GRM7: variants seen among roughly 807,000 people sequenced by gnomAD.
GRM7 encodes glutamate metabotropic receptor 7, also known as metabotropic glutamate receptor 7.
A neutral mutation model predicts 84.5 loss-of-function variants in GRM7; 35 were observed. The ratio of observed to expected loss-of-function variants is 0.41; its 90% CI spans 0.32 to 0.55. GRM7 has a LOEUF of 0.55. Ranked by LOEUF, GRM7 falls within the 20% of genes least tolerant of loss-of-function variation. The pLI, the probability that GRM7 is intolerant of heterozygous loss-of-function variation, is 0.19. For synonymous variants in GRM7, 487 were observed against 455.1 expected, an observed-to-expected ratio of 1.07 and a Z score of -0.89; for missense variants, 1,003 against 1,194.6, an observed-to-expected ratio of 0.84 and a Z score of 2.36.
intron 8 of GRM7, among the ~76,000 whole-genome samples, chr3:7,589,865 C>T (rs145541173): frequency 1.5e-4 from 23 of 152,224 alleles, no homozygotes; most frequent in African/African-American, 5.3e-4. Flanking sequence ...CTCTAATGTG[C>T]CTGTGTGCTC....
chr3:7,085,025 A>T (rs1698403628), intron 1 of GRM7, among the ~76,000 whole-genome samples: 1 of 152,166 alleles, frequency 6.6e-6, no homozygotes, highest in Admixed American at 6.5e-5. Context: ...TGAGCATTTC[A>T]TATCCTCAGG....
intron 1 of GRM7, among the ~76,000 whole-genome samples, chr3:7,010,130 C>T (rs1695317811): frequency 6.6e-6 from 1 of 152,076 alleles, no homozygotes; most frequent in South Asian, 2.1e-4. Context: ...AAGGAAACAT[C>T]ACAGACAAGG....
intron 1 of GRM7, among the ~76,000 whole-genome samples, chr3:7,108,728 C>G (rs544343753): frequency 6.6e-6 from 1 of 152,172 alleles, no homozygotes; most frequent in African/African-American, 2.4e-5. Flanking sequence ...CCTCCTGGGT[C>G]AACCCATGAA....
intron 2 of GRM7, among the ~76,000 whole-genome samples, chr3:7,178,096 G>C (rs1018719159): frequency 6.6e-6 from 1 of 152,100 alleles, no homozygotes; most frequent in Non-Finnish European, 1.5e-5. Context: ...CACATCTATT[G>C]GCCAAGGTGA....
At position 7,363,710 on chromosome 3, in the gene GRM7, G is replaced by A. The variant is rs188023121; in HGVS notation, c.1034-51313G>A. On this transcript the variant is annotated intron_variant, in intron 4 of 9. Transcript: ENST00000357716. Reference sequence around the variant, plus strand: ...AATATGAGCACCTTCACCAATATGAGCATCTTCAACTTAATTGACCCTGTC... The same window carrying A: ...AATATGAGCACCTTCACCAATATGAACATCTTCAACTTAATTGACCCTGTC... 5.4e-3 allele frequency among the ~76,000 whole-genome samples: 815 copies of A among 152,106 alleles called. 5 individuals are homozygous for A. Among genetic ancestry groups the A allele is most frequent in the African/African-American group, 0.014 (574 of 41,526 alleles).
chr3:7,119,847 A>G (rs1214790487), intron 1 of GRM7, among the ~76,000 whole-genome samples: 3 of 152,158 alleles, frequency 2.0e-5, no homozygotes, highest in Non-Finnish European at 4.4e-5. Flanking sequence ...ACTTCAGCTC[A>G]TATTTTAAAA....
intron 9 of GRM7, among the ~76,000 whole-genome samples, chr3:7,736,910 C>A (rs1702521059): frequency 6.6e-6 from 1 of 152,080 alleles, no homozygotes; most frequent in African/African-American, 2.4e-5. Context: ...TAATAAGCTA[C>A]AGTATTTCTT....
At chr3:6,878,098 T>G (rs1695381702) in intron 1 of GRM7, among the ~76,000 whole-genome samples, 1 of 152,162 alleles carries the variant, frequency 6.6e-6, no homozygotes, top group African/African-American at 2.4e-5. Context: ...TTTTAATCTT[T>G]AATAGCTTCA....
chr3:6,946,997 A>T (rs548411189), intron 1 of GRM7, among the ~76,000 whole-genome samples: 6 of 152,288 alleles, frequency 3.9e-5, no homozygotes, highest in Admixed American at 2.0e-4. Flanking sequence ...GTCATCTGCA[A>T]ACAGGGAGAA....
chr3:7,539,221 TCATCCTAG>T (rs1365421631), intron 7 of GRM7, among the ~76,000 whole-genome samples: 1 of 152,164 alleles, frequency 6.6e-6, no homozygotes, highest in Non-Finnish European at 1.5e-5. Flanking sequence ...CACCAAACCC[TCATCCTAG>T]CATTTATTCC....
intron 9 of GRM7, among the ~76,000 whole-genome samples, chr3:7,723,583 T>A (rs1702024269): frequency 1.3e-5 from 2 of 152,168 alleles, no homozygotes; most frequent in South Asian, 4.1e-4. Context: ...CACACTTGGC[T>A]CACACCAGTA....
chr3:7,692,963 A>G (rs1407067885), intron 9 of GRM7, among the ~76,000 whole-genome samples: 2 of 150,352 alleles, frequency 1.3e-5, no homozygotes, highest in East Asian at 1.9e-4. Context: ...AGTGAGATGC[A>G]TCTTTCTTTC....
In GRM7 at chr3:7,160,682, C is replaced by CA. The variant is rs775176219; in HGVS notation, c.736+14017dup. ...TCTTTTTCCTCACTGTGTACCCCAC[C>CA]AAACAAGATTAGTTCAAGTTAAAAA... is the stretch of plus-strand genomic sequence containing the variant. On this transcript the variant is annotated intron_variant, in intron 2 of 9. Coordinates refer to ENST00000357716, the MANE Select transcript of GRM7 (RefSeq NM_000844.4). 8.7e-4 allele frequency among the ~76,000 whole-genome samples: 133 copies of CA among 152,110 alleles called. 1 individual carries two copies. The highest frequency in any genetic ancestry group is 1.0e-3 in the Non-Finnish European group (71 of 68,020).
At chr3:6,913,813 A>G (rs994288186) in intron 1 of GRM7, among the ~76,000 whole-genome samples, 5 of 152,182 alleles carry the variant, frequency 3.3e-5, no homozygotes, top group East Asian at 1.9e-4. Flanking sequence ...ATAGATAGAT[A>G]GACAACCAGA....
rs138889716 is a variant in GRM7, at chr3:7,223,760, G to A, written c.737-74924G>A. On this transcript the variant is annotated intron_variant, in intron 2 of 9. Transcript: ENST00000357716. The stretch of plus-strand genomic sequence containing the variant: ...ATCTCAAATCTTAATCTGGAGAGCC[G>A]AATAATAGAAATAGGTATGGGCAGT... 2.7e-3 allele frequency among the ~76,000 whole-genome samples: 405 copies of A among 152,226 alleles called. 1 individual carries two copies. The highest frequency in any genetic ancestry group is 8.7e-3 in the African/African-American group (363 of 41,544).
At chr3:7,218,600 A>G (rs1696693128) in intron 2 of GRM7, among the ~76,000 whole-genome samples, 2 of 152,008 alleles carry the variant, frequency 1.3e-5, no homozygotes, top group Admixed American at 6.5e-5. Flanking sequence ...TTCAATTTCT[A>G]CCCATTCTTT....
intron 4 of GRM7, among the ~76,000 whole-genome samples, chr3:7,363,368 A>G (rs1356216983): frequency 6.6e-6 from 1 of 152,080 alleles, no homozygotes; most frequent in Admixed American, 6.6e-5. Context: ...AGAGATCAAG[A>G]CAAAACAAAG....
intron 7 of GRM7, among the ~76,000 whole-genome samples, chr3:7,468,661 G>A (rs1219399599): frequency 5.3e-5 from 8 of 152,134 alleles, no homozygotes; most frequent in Non-Finnish European, 8.8e-5. Context: ...ATGTGTTGAG[G>A]GGGCATCTGT....
intron 7 of GRM7, among the ~76,000 whole-genome samples, chr3:7,547,442 G>A (rs951822918): frequency 1.3e-5 from 2 of 152,026 alleles, no homozygotes; most frequent in African/African-American, 2.4e-5. Flanking sequence ...TCCTGACCTC[G>A]TGATCTGCCC....
Sources: allele counts gnomAD v4.1 joint callset (sites outside exome capture counted in the v4.1 genomes callset), GRCh38; gene constraint gnomAD v4.1.1; transcripts MANE v1.5; gene names NCBI Gene and HGNC (gene_info 2026-07-23, HGNC 2026-07-21).